The following PLA2G7 variants were observed in gnomAD, a reference collection of about 807,000 sequenced individuals.
PLA2G7 encodes platelet-activating factor acetylhydrolase.
Under a neutral mutation model 49.6 loss-of-function variants are expected in PLA2G7, and 63 were observed. The ratio of observed to expected loss-of-function variants is 1.27; its 90% confidence interval spans 1.04 to 1.57. The LOEUF is 1.57. Among genes scored for constraint, PLA2G7 ranks in the 40% most tolerant of loss-of-function variants. The probability of loss-of-function intolerance (pLI) is 0.00; values close to 1 mark genes in which losing one functional copy is unlikely to be tolerated. For missense variants in PLA2G7, 596 were observed against 521.2 expected (o/e 1.14, Z -1.40); for synonymous variants, 193 against 169.9 (o/e 1.14, Z -1.06).
At chr6:46,709,641 G>T (rs1269271099) in intron 8 of PLA2G7, among the ~76,000 whole-genome samples, 1 of 152,178 alleles carries the variant, frequency 6.6e-6, no homozygotes, top group Non-Finnish European at 1.5e-5. Context: ...CATATGTAAA[G>T]GTTTGAAAGT....
chr6:46,718,253 C>A (rs913017551), intron 2 of PLA2G7, among the ~76,000 whole-genome samples: 2 of 152,194 alleles, frequency 1.3e-5, no homozygotes, highest in African/African-American at 4.8e-5. Context: ...TCCTTCAATG[C>A]CTCCCTATCA....
intron 1 of PLA2G7, among the ~76,000 whole-genome samples, chr6:46,728,400 AT>A (rs1765633892): frequency 6.6e-6 from 1 of 152,220 alleles, no homozygotes. Context: ...ACATAGAGGA[AT>A]CTCAAAATGT....
intron 4 of PLA2G7, among the ~76,000 whole-genome samples, chr6:46,716,083 A>T (rs1049540235): frequency 6.6e-6 from 1 of 152,178 alleles, no homozygotes; most frequent in Admixed American, 6.5e-5. Context: ...ATAACCTGCT[A>T]TTCTCACCAC....
chr6:46,723,681 G>C (rs1051366205), intron 1 of PLA2G7, among the ~76,000 whole-genome samples: 10 of 152,130 alleles, frequency 6.6e-5, no homozygotes, highest in African/African-American at 2.4e-4. Flanking sequence ...GGATAGAAAA[G>C]GTCCAAGCCA....
chr6:46,704,464 TCTCTCTCTCTCTCTCACACACA>T lies in PLA2G7; in HGVS notation c.*74_*95del, dbSNP rs1191098374. 1.4e-4 allele frequency: 85 copies of T among 599,908 alleles called. No individual in the cohort carries two copies. Among genetic ancestry groups the T allele is most frequent in the East Asian group, 5.3e-4 (17 of 31,990 alleles). The allele number at this position is 599,908 out of a possible 1,614,324, so 37.2% of individuals were successfully genotyped here. ...AATTCTCTCTCTCTCTCTCTCTCTCTCTCTCTCTCTCTCTCACACACACACACACACACACACACACACACAT... is the reference window on the plus strand; with the variant it reads ...AATTCTCTCTCTCTCTCTCTCTCTCTCACACACACACACACACACACACAT... On this transcript the variant is annotated 3_prime_UTR_variant, in exon 12 of 12. Transcript: ENST00000274793.
chr6:46,717,877 C>A (rs1765270931), intron 2 of PLA2G7, among the ~76,000 whole-genome samples: 1 of 151,864 alleles, frequency 6.6e-6, no homozygotes, highest in African/African-American at 2.4e-5. Context: ...GCCACCATGC[C>A]CAGCTAATTT....
intron 4 of PLA2G7, among the ~76,000 whole-genome samples, chr6:46,715,869 T>C (rs1479491073): frequency 6.6e-6 from 1 of 152,212 alleles, no homozygotes; most frequent in Non-Finnish European, 1.5e-5. Context: ...TAGCAGAATG[T>C]AGACAGTAAG....
chr6:46,725,987 C>A (rs917389319), intron 1 of PLA2G7, among the ~76,000 whole-genome samples: 2 of 152,146 alleles, frequency 1.3e-5, no homozygotes, highest in African/African-American at 2.4e-5. Flanking sequence ...ATAGGTTCAA[C>A]AAAGTATGAA....
Position 46,709,478 on chromosome 6 carries a change from T to G in PLA2G7, c.778-60A>C, listed in dbSNP as rs533644667. 4 of 927,332 alleles carry G rather than the reference T, an allele frequency of 4.3e-6. No homozygotes were observed. The African/African-American group carries it at 4.8e-5, about 11-fold the overall frequency. 57.4% of individuals were successfully genotyped at this position (927,332 alleles called of 1,614,324 possible). On this transcript the variant is annotated intron_variant, in intron 8 of 11. Coordinates refer to ENST00000274793, the MANE Select transcript of PLA2G7 (RefSeq NM_005084.4). The stretch of plus-strand genomic sequence containing the variant: ...TTTCGTGGTGTTAGAAGAAATGATT[T>G]TGTCAATCATATAATTGTTCATTTC...
chr6:46,733,005 G>C (rs2150716562), intron 1 of PLA2G7, among the ~76,000 whole-genome samples: 1 of 152,292 alleles, frequency 6.6e-6, no homozygotes, highest in East Asian at 1.9e-4. Flanking sequence ...AGAGGAATCA[G>C]AGTGTAAATA....
intron 10 of PLA2G7, among the ~76,000 whole-genome samples, chr6:46,706,716 C>G (rs959767654): frequency 2.6e-5 from 4 of 152,082 alleles, no homozygotes; most frequent in Non-Finnish European, 5.9e-5. Flanking sequence ...AGAGAAGGGA[C>G]AAAAGCAAAG....
At position 46,726,303 on chromosome 6, in the gene PLA2G7, C is replaced by T. The variant is rs183698025; in HGVS notation, c.-34-3378G>A. ...TAACCAAAGACTGTAGCAAGGGCAA[C>T]GGGAGTTATGAGCCAGGAACCATAT... On this transcript the variant is annotated intron_variant, in intron 1 of 11. Coordinates refer to ENST00000274793, the MANE Select transcript of PLA2G7 (RefSeq NM_005084.4). Among the ~76,000 whole-genome samples the T allele has an allele frequency of 9.2e-5, 14 of 152,220 alleles. 1 individual carries two copies. The highest frequency in any genetic ancestry group is 6.2e-4 in the South Asian group (3 of 4,812).
intron 10 of PLA2G7, among the ~76,000 whole-genome samples, chr6:46,707,733 A>G (rs1764873521): frequency 6.6e-6 from 1 of 152,160 alleles, no homozygotes; most frequent in African/African-American, 2.4e-5. Flanking sequence ...TTTATAAATT[A>G]CCCAGTCTCA....
rs770694573 is a variant in PLA2G7, at chr6:46,704,712, T to A, written c.1190-16A>T. 4 of 1,493,554 alleles carry A rather than the reference T, an allele frequency of 2.7e-6. No homozygotes were observed. The highest frequency in any genetic ancestry group is 3.7e-6 in the Non-Finnish European group (4 of 1,075,074). 92.5% of individuals were successfully genotyped at this position (1,493,554 alleles called of 1,614,324 possible). ...TTATGAAGTCCTATAAAATATAAAG[T>A]GTTAATCAACATATTAAACTTTTGA... On this transcript the variant is annotated splice_polypyrimidine_tract_variant and intron_variant, in intron 11 of 11. Transcript: ENST00000274793.
rs763179543 is a variant in PLA2G7 at position 46,722,915 on chromosome 6, A to C, written c.-24T>G. The C allele has an allele frequency of 7.4e-7, 1 of 1,343,058 alleles. No individual in the cohort carries two copies. The highest frequency in any genetic ancestry group is 2.3e-5 in the East Asian group (1 of 43,650). 83.2% of individuals were successfully genotyped at this position (1,343,058 alleles called of 1,614,324 possible). ...ATCTTGGGAGCTGAGCAGCAGTTTCAGCTTAGTCTCCTTCGAAGCAGATGA... is the reference window on the plus strand; with the variant it reads ...ATCTTGGGAGCTGAGCAGCAGTTTCCGCTTAGTCTCCTTCGAAGCAGATGA... On this transcript the variant is annotated 5_prime_UTR_variant, in exon 2 of 12. Coordinates refer to ENST00000274793, the MANE Select transcript of PLA2G7 (RefSeq NM_005084.4).
chr6:46,708,144 T>C lies in PLA2G7; in HGVS notation c.887A>G (p.Asp296Gly), dbSNP rs1166137155. The C allele has an allele frequency of 1.2e-6, 2 of 1,611,912 alleles. No homozygotes were observed. Among genetic ancestry groups the C allele is most frequent in the Admixed American group, 3.3e-5 (2 of 59,984 alleles). The change falls in exon 10 of 12, where the codon GAT becomes GGT. Residue 296 changes from aspartate (D) to glycine (G), a missense_variant. By Grantham distance (94) the Asp-to-Gly change is moderately conservative (BLOSUM62 -1). Coordinates refer to ENST00000274793, the MANE Select transcript of PLA2G7 (RefSeq NM_005084.4). ...ATCACCCAGTGGAAACATCCATGCA[T>C]CCAGGGCAATACCACATCTGTAGAT... ...DQRFRCGIALDAWMFPLGDEV... is the reference protein window; with the variant it reads ...DQRFRCGIALGAWMFPLGDEV...
At chr6:46,711,780 G>A (rs1033908775) in intron 6 of PLA2G7, among the ~76,000 whole-genome samples, 161 bp from the exon 7 acceptor site, 1 of 152,044 alleles carries the variant, frequency 6.6e-6, no homozygotes, top group Non-Finnish European at 1.5e-5. Context: ...CTGTAAAAGA[G>A]TTCCAGGAAA....
intron 2 of PLA2G7, among the ~76,000 whole-genome samples, chr6:46,718,236 C>A (rs1363941464): frequency 6.6e-6 from 1 of 152,226 alleles, no homozygotes; most frequent in Non-Finnish European, 1.5e-5. Context: ...CCAGACAATT[C>A]TTAAAATCCT....
intron 5 of PLA2G7, 34 bp downstream of exon 5, chr6:46,714,426 G>A (rs200529136): frequency 8.3e-6 from 11 of 1,323,624 alleles, no homozygotes; most frequent in Non-Finnish European, 1.2e-5. Flanking sequence ...ATTTATTCCT[G>A]GAAGCCAAAA....
Sources: allele counts gnomAD v4.1 joint callset (sites outside exome capture counted in the v4.1 genomes callset), GRCh38; gene constraint gnomAD v4.1.1; transcripts MANE v1.5; gene names NCBI Gene and HGNC (gene_info 2026-07-23, HGNC 2026-07-21).